RBFOX1: variants seen among roughly 807,000 people sequenced by gnomAD.
The protein encoded by RBFOX1 is RNA binding protein fox-1 homolog 1.
A neutral mutation model predicts 57.7 loss-of-function variants in RBFOX1; 8 were observed. The observed-to-expected ratio is 0.14, with a 90% CI of 0.08 to 0.25. The LOEUF is 0.25. Ranked by LOEUF, RBFOX1 falls within the 10% of genes least tolerant of loss-of-function variation. RBFOX1 has a pLI of 1.00. For missense variants in RBFOX1, 611 were observed against 548.5 expected (o/e 1.11, Z -1.14); for synonymous variants, 326 against 222.4 (o/e 1.47, Z -4.15).
chr16:6,389,918 C>T (rs1007835160), intron 2 of RBFOX1, among the ~76,000 whole-genome samples: 2 of 152,184 alleles, frequency 1.3e-5, no homozygotes, highest in Admixed American at 1.3e-4. Context: ...GTCGCTGTCT[C>T]AGCATTTCCA....
intron 8 of RBFOX1, 101 bp downstream of exon 8, chr16:7,595,742 T>G: frequency 4.2e-6 from 3 of 709,102 alleles, no homozygotes; most frequent in Non-Finnish European, 6.2e-6. Flanking sequence ...TATGTGACCC[T>G]ATTCCCCCTC....
chr16:7,287,079 C>G (rs1291320862), intron 4 of RBFOX1, among the ~76,000 whole-genome samples: 1 of 152,042 alleles, frequency 6.6e-6, no homozygotes, highest in Admixed American at 6.6e-5. Context: ...AACTTTGTTC[C>G]AAGATCATTA....
intron 4 of RBFOX1, among the ~76,000 whole-genome samples, chr16:7,095,847 C>T (rs546310418): frequency 6.6e-6 from 1 of 151,848 alleles, no homozygotes; most frequent in South Asian, 2.1e-4. Flanking sequence ...ACCTTCTGTA[C>T]TAAAAATACA....
At chr16:7,252,752 T>C (rs2094540812) in intron 4 of RBFOX1, among the ~76,000 whole-genome samples, 1 of 152,036 alleles carries the variant, frequency 6.6e-6, no homozygotes, top group East Asian at 1.9e-4. Context: ...AGGTTGGCTA[T>C]TATTATTTCC....
At chr16:5,368,628 C>T (rs1458901096) in intron 1 of RBFOX1, among the ~76,000 whole-genome samples, 1 of 152,140 alleles carries the variant, frequency 6.6e-6, no homozygotes, top group African/African-American at 2.4e-5. Flanking sequence ...CCGTTATGCA[C>T]ATTTCTGAGC....
At chr16:6,624,679 G>A (rs527270590) in intron 2 of RBFOX1, among the ~76,000 whole-genome samples, 2 of 152,192 alleles carry the variant, frequency 1.3e-5, no homozygotes, top group African/African-American at 4.8e-5. Context: ...ATTTCTTGAG[G>A]TCACCAGAAA....
intron 4 of RBFOX1, among the ~76,000 whole-genome samples, chr16:7,108,041 G>C (rs2063927941): frequency 6.6e-6 from 1 of 152,094 alleles, no homozygotes; most frequent in African/African-American, 2.4e-5. Flanking sequence ...GGGTAGAGAG[G>C]TGAAAGGATG....
At chr16:6,109,444 C>T (rs931000222) in intron 1 of RBFOX1, among the ~76,000 whole-genome samples, 10 of 152,056 alleles carry the variant, frequency 6.6e-5, no homozygotes, top group African/African-American at 2.4e-4. Flanking sequence ...TCTTATCACC[C>T]CAGGAATTGT....
At chr16:7,354,495 A>T (rs1274939505) in intron 4 of RBFOX1, among the ~76,000 whole-genome samples, 3 of 152,196 alleles carry the variant, frequency 2.0e-5, no homozygotes, top group Non-Finnish European at 2.9e-5. Flanking sequence ...CTGTCCTTCA[A>T]GCAGCCAGAA....
At chr16:6,131,558 T>C (rs978648977) in intron 1 of RBFOX1, among the ~76,000 whole-genome samples, 1 of 152,204 alleles carries the variant, frequency 6.6e-6, no homozygotes, top group South Asian at 2.1e-4. Context: ...TCCAATCTAT[T>C]CCACTCCCCA....
chr16:7,295,890 T>C (rs1322628643), intron 4 of RBFOX1, among the ~76,000 whole-genome samples: 1 of 152,212 alleles, frequency 6.6e-6, no homozygotes, highest in East Asian at 1.9e-4. Context: ...AAAGGCATGC[T>C]GCTCTGTGGT....
At chr16:6,349,846 G>A (rs1443436893) in intron 2 of RBFOX1, among the ~76,000 whole-genome samples, 1 of 152,110 alleles carries the variant, frequency 6.6e-6, no homozygotes, top group East Asian at 1.9e-4. Flanking sequence ...CCAACTCCAA[G>A]AATTCAGAGG....
At chr16:6,960,713 A>G (rs527858713) in intron 3 of RBFOX1, among the ~76,000 whole-genome samples, 1 of 151,924 alleles carries the variant, frequency 6.6e-6, no homozygotes, top group Non-Finnish European at 1.5e-5. Context: ...CACTCTCTGT[A>G]CTGTCTCTAC....
rs748433960 is a variant in RBFOX1 at position 7,710,654 on chromosome 16, C to T, written c.1103C>T (p.Thr368Ile). The T allele has an allele frequency of 6.2e-7, 1 of 1,613,502 alleles. No homozygotes were observed. The highest frequency in any genetic ancestry group is 8.5e-7 in the Non-Finnish European group (1 of 1,179,778). The change falls in exon 16 of 16, where the codon ACT becomes ATT. Residue 368 changes from threonine (T) to isoleucine (I), a missense_variant. Thr to Ile is a moderately conservative substitution (Grantham distance 89). This residue lies in a region of RBFOX1 where 267 missense variants were observed against 229.1 expected (regional missense o/e 1.17). Coordinates refer to ENST00000550418, the MANE Select transcript of RBFOX1 (RefSeq NM_018723.4). The part of the protein sequence containing the change: ...NAFAPLTDAK[T>I]RSHADDVGLV... ...TTTGCACCTTTGACTGATGCCAAGACTAGGAGCCATGCTGATGATGTGGGT... is the reference window on the plus strand; with the variant it reads ...TTTGCACCTTTGACTGATGCCAAGATTAGGAGCCATGCTGATGATGTGGGT...
At chr16:5,703,539 G>GC (rs1305384052) in intron 3 of RBFOX1, among the ~76,000 whole-genome samples, 78 of 152,170 alleles carry the variant, frequency 5.1e-4, no homozygotes, top group Admixed American at 5.1e-3. Context: ...AATTCTTTGA[G>GC]CCATGGAAGC....
At chr16:6,708,255 G>C (rs997305025) in intron 3 of RBFOX1, among the ~76,000 whole-genome samples, 3 of 150,718 alleles carry the variant, frequency 2.0e-5, no homozygotes, top group Admixed American at 6.7e-5. Context: ...GAAAGTCATT[G>C]TGTGGGCTAG....
chr16:5,253,696 A>G (rs2062513450), intron 1 of RBFOX1, among the ~76,000 whole-genome samples: 1 of 152,278 alleles, frequency 6.6e-6, no homozygotes, highest in Middle Eastern at 3.4e-3. Context: ...CAGGGTCTCA[A>G]TTTCTTGCAA....
chr16:6,603,634 C>G (rs79468285), intron 2 of RBFOX1, among the ~76,000 whole-genome samples: 2 of 152,148 alleles, frequency 1.3e-5, no homozygotes, highest in East Asian at 3.9e-4. Flanking sequence ...CCGCTATGTG[C>G]AGCTGGGGGT....
intron 14 of RBFOX1, among the ~76,000 whole-genome samples, chr16:7,683,559 C>T (rs894808949): frequency 7.9e-5 from 12 of 152,022 alleles, no homozygotes; most frequent in Non-Finnish European, 1.3e-4. Context: ...CCCAACAGAC[C>T]GTAGCTGTCA....
Sources: allele counts gnomAD v4.1 joint callset (sites outside exome capture counted in the v4.1 genomes callset), GRCh38; gene constraint gnomAD v4.1.1; regional missense constraint gnomAD v4.1.1; transcripts MANE v1.5; gene names NCBI Gene and HGNC (gene_info 2026-07-23, HGNC 2026-07-21).